Variants in CDK12 observed in about 807,000 individuals in gnomAD.
CDK12 encodes cyclin dependent kinase 12, also known as cyclin-dependent kinase 12.
CDK12 carries 17 observed loss-of-function variants against 133.8 expected under a neutral mutation model. The observed-to-expected ratio is 0.13, with a 90% CI of 0.09 to 0.19. The LOEUF (loss-of-function observed/expected upper bound fraction) is 0.19. Ranked by LOEUF, CDK12 falls within the 10% of genes least tolerant of loss-of-function variation. The pLI, the probability that CDK12 is intolerant of heterozygous loss-of-function variation, is 1.00. For missense variants in CDK12, 1,508 were observed against 1,818.7 expected (o/e 0.83, Z 3.11); for synonymous variants, 694 against 683.6 (o/e 1.02, Z -0.24).
At chr17:39,511,493 T>C in intron 7 of CDK12, 36 bp from the exon 8 acceptor site, 2 of 1,319,726 alleles carry the variant, frequency 1.5e-6, no homozygotes, top group Non-Finnish European at 2.2e-6. Context: ...CAGAAGCCAC[T>C]GTAAGTTTAT....
chr17:39,523,403 G>A (rs921331008), intron 11 of CDK12, among the ~76,000 whole-genome samples: 2 of 152,126 alleles, frequency 1.3e-5, no homozygotes, highest in East Asian at 1.9e-4. Flanking sequence ...TTGAACCTGG[G>A]AGGCGGAGGT....
upstream of CDK12, among the ~76,000 whole-genome samples, chr17:39,544,817 A>G (rs1200359782): frequency 6.6e-6 from 1 of 151,474 alleles, no homozygotes; most frequent in Non-Finnish European, 1.5e-5. Flanking sequence ...TTTAGTAGAG[A>G]TGGGGTTTCT....
intron 2 of CDK12, among the ~76,000 whole-genome samples, chr17:39,554,926 T>C (rs2056096039): frequency 1.5e-5 from 2 of 134,688 alleles, no homozygotes; most frequent in African/African-American, 5.6e-5. Flanking sequence ...GTAACAGCGA[T>C]CTTGTTTGCC....
At chr17:39,487,007 CA>C (rs370688496) in intron 2 of CDK12, among the ~76,000 whole-genome samples, 2 of 149,746 alleles carry the variant, frequency 1.3e-5, no homozygotes, top group African/African-American at 4.9e-5. Flanking sequence ...GACTCCGTCT[CA>C]AAAAAAAAGA....
In CDK12 at chr17:39,509,634, G is replaced by A. The variant is rs145081404; in HGVS notation, c.2610-71G>A. 170 of 966,716 alleles carry A rather than the reference G, an allele frequency of 1.8e-4. No individual in the cohort carries two copies. The African/African-American group carries it at 2.2e-3, about 12-fold the overall frequency. The allele number at this position is 966,716 out of a possible 1,614,324, so 59.9% of individuals were successfully genotyped here. On this transcript the variant is annotated intron_variant, in intron 6 of 13. Transcript: ENST00000447079. The stretch of plus-strand genomic sequence containing the variant: ...GTAATTCCTTTACCCCTAACTTGGC[G>A]CATGACTTTTCAGGTGTATTTTGGA...
In CDK12 at chr17:39,462,468, A is replaced by T. The variant is rs2144874680; in HGVS notation, c.397A>T (p.Ser133Cys). The T allele has an allele frequency of 6.2e-7, 1 of 1,614,120 alleles. No homozygotes were observed. Among genetic ancestry groups the T allele is most frequent in the Non-Finnish European group, 8.5e-7 (1 of 1,180,042 alleles). Residue 133 changes from serine to cysteine, a missense_variant, in exon 1 of 14, where the codon AGC (serine) becomes TGC (cysteine). By Grantham distance (112) the Ser-to-Cys change is moderately radical. This residue lies in a region of CDK12 where 460 missense variants were observed against 490.8 expected (regional missense o/e 0.94). Coordinates refer to ENST00000447079, the MANE Select transcript of CDK12 (RefSeq NM_016507.4). ...AGCTAAACAGACCGAAAAAGAAAAA[A>T]GCCAAGAAGTCTCCAGCAAGTCGGG... ...LKAKQTEKEK[S>C]QEVSSKSGSM... is the part of the protein sequence containing the mutation.
intron 1 of CDK12, among the ~76,000 whole-genome samples, chr17:39,540,004 C>T (rs1403221200): frequency 6.6e-6 from 1 of 152,198 alleles, no homozygotes; most frequent in Non-Finnish European, 1.5e-5. Context: ...TAGCAGGGAA[C>T]AGAGCATGAT....
At chr17:39,541,220 G>C (rs1373382998) in intron 1 of CDK12, among the ~76,000 whole-genome samples, 2 of 148,560 alleles carry the variant, frequency 1.3e-5, no homozygotes, top group South Asian at 4.4e-4. Flanking sequence ...TGCTAAGTCT[G>C]GGGGGTGGGG....
rs2048990509 is a variant in CDK12, at chr17:39,461,995, G to C, written c.-77G>C. The C allele has an allele frequency of 8.3e-7, 1 of 1,205,876 alleles. No individual in the cohort carries two copies. Among genetic ancestry groups the C allele is most frequent in the South Asian group, 1.5e-5 (1 of 67,066 alleles). The allele number at this position is 1,205,876 out of a possible 1,614,324, so 74.7% of individuals were successfully genotyped here. Reference sequence around the variant, plus strand: ...GGCGCTTTGGTGGGCGTGGAGTTGGGGTTGGGGGGGTGGGTGGGGGTTGCT... The same window carrying C: ...GGCGCTTTGGTGGGCGTGGAGTTGGCGTTGGGGGGGTGGGTGGGGGTTGCT... On this transcript the variant is annotated 5_prime_UTR_variant, in exon 1 of 14. Coordinates refer to ENST00000447079, the MANE Select transcript of CDK12 (RefSeq NM_016507.4).
chr17:39,490,408 ATTAT>A, intron 2 of CDK12, 145 bp from the exon 3 acceptor site: 2 of 541,802 alleles, frequency 3.7e-6, no homozygotes, highest in Non-Finnish European at 3.3e-6. Flanking sequence ...GTTGTGATTA[ATTAT>A]TTTTTTTTAT....
Position 39,513,949 on chromosome 17 carries a change from T to G in CDK12, c.2769-1782T>G, listed in dbSNP as rs932082982. Reference sequence around the variant, plus strand: ...TGTCAGGAGTCTGAAAACCTAGTGGTTTTTTTTTCTTCTTTTCTTTTTTAA... The same window carrying G: ...TGTCAGGAGTCTGAAAACCTAGTGGGTTTTTTTTCTTCTTTTCTTTTTTAA... On this transcript the variant is annotated intron_variant, in intron 8 of 13. Transcript: ENST00000447079. Among the ~76,000 whole-genome samples, 22 of 151,816 alleles carry G rather than the reference T, an allele frequency of 1.4e-4. No homozygotes were observed. In the Middle Eastern group the frequency reaches 0.014, roughly 94 times the overall value.
intron 1 of CDK12, among the ~76,000 whole-genome samples, chr17:39,465,422 TGAG>T (rs887770655): frequency 2.8e-5 from 4 of 145,166 alleles, no homozygotes; most frequent in Non-Finnish European, 6.0e-5. Context: ...TTTGGAGGGG[TGAG>T]GAGTAAAATT....
At chr17:39,558,424 A>C (rs1325717636) in intron 3 of CDK12, among the ~76,000 whole-genome samples, 4 of 152,218 alleles carry the variant, frequency 2.6e-5, no homozygotes, top group Non-Finnish European at 5.9e-5. Context: ...TTTGATACCC[A>C]GAACCAGTAA....
chr17:39,486,415 G>A (rs981665447), intron 2 of CDK12, among the ~76,000 whole-genome samples: 1 of 151,778 alleles, frequency 6.6e-6, no homozygotes, highest in Non-Finnish European at 1.5e-5. Flanking sequence ...AGAAGTGCAT[G>A]CCACCACTCC....
chr17:39,481,078 AC>A (rs1437532284), intron 2 of CDK12, among the ~76,000 whole-genome samples: 1 of 151,616 alleles, frequency 6.6e-6, no homozygotes, highest in Non-Finnish European at 1.5e-5. Context: ...ACATGGAGAA[AC>A]CCCGTCTCTA....
chr17:39,462,911 G>A lies in CDK12; in HGVS notation c.840G>A (p.Lys280=), dbSNP rs776480763. The A allele has an allele frequency of 1.2e-6, 2 of 1,614,176 alleles. No individual in the cohort carries two copies. Among genetic ancestry groups the A allele is most frequent in the African/African-American group, 1.3e-5 (1 of 75,060 alleles). Residue 280 remains lysine, a synonymous_variant, in exon 1 of 14, where the codon AAG becomes AAA. Transcript: ENST00000447079. ...SRRQSVSPPY[K]EPSAYQSSTR... ...GGCAGTCGGTCAGTCCCCCTTACAAGGAGCCTTCGGCCTACCAGTCCAGCA... is the reference window on the plus strand; with the variant it reads ...GGCAGTCGGTCAGTCCCCCTTACAAAGAGCCTTCGGCCTACCAGTCCAGCA...
chr17:39,519,585 C>CTT (rs36022813), intron 10 of CDK12, among the ~76,000 whole-genome samples: 4 of 138,690 alleles, frequency 2.9e-5, no homozygotes, highest in South Asian at 4.6e-4. Context: ...ATTGCACATC[C>CTT]TTTTTTTTTT....
At chr17:39,468,024 G>A (rs2049482059) in intron 1 of CDK12, among the ~76,000 whole-genome samples, 1 of 151,894 alleles carries the variant, frequency 6.6e-6, no homozygotes, top group African/African-American at 2.4e-5. Context: ...CTCCCGAGCA[G>A]CTGGGATTAC....
chr17:39,526,400 C>T (rs2054503074), intron 13 of CDK12, 84 bp downstream of exon 13: 4 of 1,004,260 alleles, frequency 4.0e-6, no homozygotes, highest in East Asian at 5.2e-5. Context: ...TTTTCCCCCA[C>T]ATCAATGGCC....
Sources: gnomAD v4.1 joint callset for allele counts (sites outside exome capture counted in the v4.1 genomes callset) on GRCh38, gnomAD v4.1.1 for gene constraint, gnomAD v4.1.1 regional missense constraint, MANE v1.5 for transcripts, NCBI Gene and HGNC (gene_info 2026-07-23, HGNC 2026-07-21) for gene names.